Variants in RHOJ observed in about 807,000 individuals in gnomAD.
RHOJ encodes the protein ras homolog family member J, also known as rho-related GTP-binding protein RhoJ.
In RHOJ, 11 loss-of-function variants were observed where a neutral mutation model predicts 23.4. The ratio of observed to expected loss-of-function variants is 0.47; its 90% CI spans 0.30 to 0.78. The LOEUF is 0.78. Among genes scored for constraint, RHOJ ranks in the 30% least tolerant of loss-of-function variants. The pLI, the probability that RHOJ is intolerant of heterozygous loss-of-function variation, is 0.08. For synonymous variants in RHOJ, 102 were observed against 102.7 expected, an observed-to-expected ratio of 0.99 and a Z score of 0.04; for missense variants, 254 against 273.4, an observed-to-expected ratio of 0.93 and a Z score of 0.50.
intron 1 of RHOJ, among the ~76,000 whole-genome samples, chr14:63,261,760 T>C (rs925215656): frequency 3.3e-5 from 5 of 152,146 alleles, no homozygotes; most frequent in African/African-American, 1.2e-4. Flanking sequence ...TTTTTAAATA[T>C]TATAAATGCC....
rs1286421349 is a variant in RHOJ at position 63,258,118 on chromosome 14, C to A, written c.179-10992C>A. Reference sequence around the variant, plus strand: ...TGGCGGGCGCCTGTCATCCCAGCTACTCAGGAGTCTGAGACAGGAGAATCG... The same window carrying A: ...TGGCGGGCGCCTGTCATCCCAGCTAATCAGGAGTCTGAGACAGGAGAATCG... On this transcript the variant is annotated intron_variant, in intron 1 of 4. Coordinates refer to ENST00000316754, the MANE Select transcript of RHOJ (RefSeq NM_020663.5). Among the ~76,000 whole-genome samples the A allele has an allele frequency of 1.3e-5, 2 of 149,046 alleles. 1 individual carries two copies. The highest frequency in any genetic ancestry group is 4.2e-4 in the East Asian group (2 of 4,802).
At chr14:63,268,497 C>A (rs1210091106) in intron 1 of RHOJ, among the ~76,000 whole-genome samples, 1 of 152,180 alleles carries the variant, frequency 6.6e-6, no homozygotes, top group Non-Finnish European at 1.5e-5. Flanking sequence ...AACTAAAGTT[C>A]AAAATCATAA....
chr14:63,265,310 T>C (rs1895346950), intron 1 of RHOJ, among the ~76,000 whole-genome samples: 1 of 152,222 alleles, frequency 6.6e-6, no homozygotes, highest in African/African-American at 2.4e-5. Flanking sequence ...TTTGTAAACT[T>C]TATCAAACAT....
intron 1 of RHOJ, among the ~76,000 whole-genome samples, chr14:63,218,952 G>A (rs558692008): frequency 1.1e-4 from 17 of 152,268 alleles, no homozygotes; most frequent in Admixed American, 2.6e-4. Context: ...CTGCACTTAT[G>A]GTAGGAGAGG....
chr14:63,270,339 T>G (rs1895445681), intron 2 of RHOJ, among the ~76,000 whole-genome samples: 2 of 152,188 alleles, frequency 1.3e-5, no homozygotes, highest in African/African-American at 4.8e-5. Flanking sequence ...TTGGCCAGGC[T>G]AGGGTGTGGA....
intron 1 of RHOJ, among the ~76,000 whole-genome samples, chr14:63,252,835 AC>A (rs1895095584): frequency 6.6e-6 from 1 of 151,882 alleles, no homozygotes; most frequent in Non-Finnish European, 1.5e-5. Context: ...CTATTCACAA[AC>A]TCCTAGCCTC....
intron 1 of RHOJ, among the ~76,000 whole-genome samples, chr14:63,245,347 A>G (rs1283664995): frequency 2.0e-5 from 3 of 152,102 alleles, no homozygotes; most frequent in African/African-American, 7.2e-5. Flanking sequence ...AGGGTATACT[A>G]TTTAAAAAAT....
At chr14:63,278,633 G>A (rs537620210) in intron 2 of RHOJ, among the ~76,000 whole-genome samples, 1 of 152,110 alleles carries the variant, frequency 6.6e-6, no homozygotes, top group South Asian at 2.1e-4. Flanking sequence ...ACAACAATAT[G>A]AACAATTTAA....
chr14:63,283,991 C>T (rs1881994880), intron 4 of RHOJ, among the ~76,000 whole-genome samples: 1 of 152,140 alleles, frequency 6.6e-6, no homozygotes, highest in Non-Finnish European at 1.5e-5. Context: ...AATCACACCT[C>T]CAGAGCTTAA....
intron 2 of RHOJ, among the ~76,000 whole-genome samples, chr14:63,274,613 T>A (rs1881660802): frequency 6.6e-6 from 1 of 152,160 alleles, no homozygotes; most frequent in African/African-American, 2.4e-5. Flanking sequence ...TTTTACTGGA[T>A]CATTAAAGTA....
chr14:63,214,483 A>AT (rs1894308566), intron 1 of RHOJ, among the ~76,000 whole-genome samples: 1 of 152,184 alleles, frequency 6.6e-6, no homozygotes, highest in African/African-American at 2.4e-5. Context: ...TGCATGTAAA[A>AT]TTTCTTGACT....
At chr14:63,228,791 A>G (rs1894640617) in intron 1 of RHOJ, among the ~76,000 whole-genome samples, 1 of 152,240 alleles carries the variant, frequency 6.6e-6, no homozygotes, top group South Asian at 2.1e-4. Context: ...CACTGCATGC[A>G]TTTATACATT....
In RHOJ at chr14:63,204,879, A is replaced by G. The variant is rs749071450; in HGVS notation, c.10A>G (p.Lys4Glu). The G allele has an allele frequency of 1.2e-5, 19 of 1,613,204 alleles. No homozygotes were observed. The highest frequency in any genetic ancestry group is 1.5e-5 in the Non-Finnish European group (18 of 1,179,662). MNC[K>E]EGTDSSCGCR... ...AGCTGGAGCCGCAAGAATGAACTGCAAAGAGGGAACTGACAGCAGCTGCGG... is the reference window on the plus strand; with the variant it reads ...AGCTGGAGCCGCAAGAATGAACTGCGAAGAGGGAACTGACAGCAGCTGCGG... The change falls in exon 1 of 5, where the codon AAA (lysine) becomes GAA (glutamate). Residue 4 changes from lysine (K) to glutamate (E), a missense_variant. Coordinates refer to ENST00000316754, the MANE Select transcript of RHOJ (RefSeq NM_020663.5).
At chr14:63,238,375 G>A (rs1021136212) in intron 1 of RHOJ, among the ~76,000 whole-genome samples, 2 of 152,134 alleles carry the variant, frequency 1.3e-5, no homozygotes, top group Non-Finnish European at 2.9e-5. Flanking sequence ...GCTTTTCAAA[G>A]ATCAGGGTCA....
At chr14:63,273,185 C>A (rs1306078332) in intron 2 of RHOJ, among the ~76,000 whole-genome samples, 2 of 152,152 alleles carry the variant, frequency 1.3e-5, no homozygotes, top group African/African-American at 4.8e-5. Context: ...CCGTTTAATT[C>A]CCTGTTAGGT....
At chr14:63,284,605 G>T (rs1391510111) in intron 4 of RHOJ, among the ~76,000 whole-genome samples, 1 of 152,176 alleles carries the variant, frequency 6.6e-6, no homozygotes, top group Non-Finnish European at 1.5e-5. Context: ...TGGGTGAAAT[G>T]GGTTTATGCC....
intron 1 of RHOJ, among the ~76,000 whole-genome samples, chr14:63,232,924 G>A (rs1477626055): frequency 1.3e-5 from 2 of 151,774 alleles, no homozygotes; most frequent in Non-Finnish European, 2.9e-5. Flanking sequence ...TCAAACTCCT[G>A]GACTCAAGCA....
In RHOJ at chr14:63,212,916, A is replaced by G. The variant is rs1894269788; in HGVS notation, c.178+7869A>G. ...CTTTACCTTCCAGGTTTCACAAACAATAGTTTTACAAAATGTTTTGCCACA... is the reference window on the plus strand; with the variant it reads ...CTTTACCTTCCAGGTTTCACAAACAGTAGTTTTACAAAATGTTTTGCCACA... On this transcript the variant is annotated intron_variant, in intron 1 of 4. Transcript: ENST00000316754. Among the ~76,000 whole-genome samples the G allele has an allele frequency of 2.0e-5, 3 of 152,226 alleles. No homozygotes were observed. In the South Asian group the frequency reaches 6.2e-4, roughly 32 times the overall value.
intron 1 of RHOJ, among the ~76,000 whole-genome samples, chr14:63,267,061 G>A (rs1895381800): frequency 6.6e-6 from 1 of 152,188 alleles, no homozygotes; most frequent in Admixed American, 6.5e-5. Flanking sequence ...TCCATGGCAG[G>A]AAGAATTGAA....
Sources: gnomAD v4.1 joint callset for allele counts (sites outside exome capture counted in the v4.1 genomes callset) on GRCh38, gnomAD v4.1.1 for gene constraint, MANE v1.5 for transcripts, NCBI Gene and HGNC (gene_info 2026-07-23, HGNC 2026-07-21) for gene names.